Variants in EDIL3 observed in about 807,000 individuals in gnomAD.
The protein encoded by EDIL3 is EGF-like repeat and discoidin I-like domain-containing protein 3.
A neutral mutation model predicts 67.4 loss-of-function variants in EDIL3; 37 were observed. That is an observed-to-expected ratio of 0.55 (90% confidence interval 0.42 to 0.72). The LOEUF (loss-of-function observed/expected upper bound fraction) is 0.72, where lower values mean the gene tolerates loss of function less well. Among genes scored for constraint, EDIL3 ranks in the 30% least tolerant of loss-of-function variants. The pLI, the probability that EDIL3 is intolerant of heterozygous loss-of-function variation, is 0.00. For missense variants in EDIL3, 527 were observed against 586.3 expected (o/e 0.90, Z 1.04); for synonymous variants, 195 against 196.3 (o/e 0.99, Z 0.05).
intron 1 of EDIL3, among the ~76,000 whole-genome samples, chr5:84,311,965 A>C (rs1044435593): frequency 6.6e-6 from 1 of 152,174 alleles, no homozygotes; most frequent in Non-Finnish European, 1.5e-5. Context: ...ACCTCTTTCT[A>C]CACAGACATG....
chr5:84,111,100 C>A (rs1456816930), intron 5 of EDIL3, among the ~76,000 whole-genome samples: 5 of 152,150 alleles, frequency 3.3e-5, no homozygotes, highest in Admixed American at 6.5e-5. Context: ...TCTCTTCACA[C>A]TCACTCCTGC....
intron 1 of EDIL3, among the ~76,000 whole-genome samples, chr5:84,316,517 C>T (rs1278304636): frequency 6.6e-6 from 1 of 152,104 alleles, no homozygotes; most frequent in Non-Finnish European, 1.5e-5. Context: ...CAAAGAAGGG[C>T]ATTACATAAT....
chr5:84,283,932 T>C (rs1745758682), intron 1 of EDIL3, among the ~76,000 whole-genome samples: 1 of 152,256 alleles, frequency 6.6e-6, no homozygotes, highest in South Asian at 2.1e-4. Flanking sequence ...CAGGACCAGG[T>C]AGAGGAGCCC....
chr5:84,347,434 A>G (rs115093147), intron 1 of EDIL3, among the ~76,000 whole-genome samples: 2,744 of 152,298 alleles, frequency 0.018, 79 homozygotes, highest in African/African-American at 0.063. Flanking sequence ...ATTTTATTAT[A>G]ATGCTTTGTG....
intron 1 of EDIL3, among the ~76,000 whole-genome samples, chr5:84,278,101 AAGTT>A (rs1561243275): frequency 6.6e-6 from 1 of 152,208 alleles, no homozygotes; most frequent in African/African-American, 2.4e-5. Flanking sequence ...TATAAATGGA[AAGTT>A]AGACGCAAAC....
At chr5:84,119,127 T>C (rs963259758) in intron 5 of EDIL3, among the ~76,000 whole-genome samples, 2 of 151,616 alleles carry the variant, frequency 1.3e-5, no homozygotes, top group African/African-American at 2.4e-5. Context: ...AAAGTCGTAG[T>C]TGGAGGAGAC....
Position 83,947,844 on chromosome 5 carries a change from C to G in EDIL3, c.1294-4276G>C, listed in dbSNP as rs192249696. On this transcript the variant is annotated intron_variant, in intron 10 of 10. Transcript: ENST00000296591. ...CATACTTAACAATAATTGACACAAA[C>G]CTCTCAAAAACTCAACTTCAGCGCT... 3.9e-4 allele frequency among the ~76,000 whole-genome samples: 60 copies of G among 151,944 alleles called. 1 individual carries two copies. Among genetic ancestry groups the G allele is most frequent in the Admixed American group, 7.2e-4 (11 of 15,224 alleles).
At chr5:84,247,775 T>C (rs1055784794) in intron 2 of EDIL3, among the ~76,000 whole-genome samples, 3 of 152,062 alleles carry the variant, frequency 2.0e-5, no homozygotes, top group Non-Finnish European at 2.9e-5. Flanking sequence ...TTACATGATA[T>C]GCTATACATA....
At chr5:84,090,990 G>A (rs560829906) in intron 6 of EDIL3, among the ~76,000 whole-genome samples, 37 of 151,796 alleles carry the variant, frequency 2.4e-4, no homozygotes, top group African/African-American at 8.7e-4. Context: ...AAAATTTTAT[G>A]GGATATAACA....
intron 1 of EDIL3, among the ~76,000 whole-genome samples, chr5:84,365,021 G>A (rs1175617585): frequency 1.3e-5 from 2 of 152,034 alleles, no homozygotes; most frequent in African/African-American, 4.8e-5. Context: ...GTTTTGAGGG[G>A]TTGTTGCTGT....
chr5:83,971,259 G>GA (rs953873111), intron 9 of EDIL3, among the ~76,000 whole-genome samples: 1 of 148,894 alleles, frequency 6.7e-6, no homozygotes, highest in Non-Finnish European at 1.5e-5. Context: ...ATGTCATAAA[G>GA]AAAAAAATAT....
At chr5:84,049,757 A>G (rs1746293257) in intron 9 of EDIL3, among the ~76,000 whole-genome samples, 1 of 152,188 alleles carries the variant, frequency 6.6e-6, no homozygotes, top group Non-Finnish European at 1.5e-5. Flanking sequence ...TTTACAAACC[A>G]TCATACACAG....
chr5:84,014,315 T>C (rs1745563517), intron 9 of EDIL3, among the ~76,000 whole-genome samples: 1 of 152,174 alleles, frequency 6.6e-6, no homozygotes, highest in African/African-American at 2.4e-5. Flanking sequence ...CATGGAAGTG[T>C]TGTATCAGTT....
At chr5:84,159,160 C>G (rs980832257) in intron 4 of EDIL3, among the ~76,000 whole-genome samples, 1 of 152,012 alleles carries the variant, frequency 6.6e-6, no homozygotes, top group Non-Finnish European at 1.5e-5. Flanking sequence ...AATACAAATT[C>G]ACGGGTGAAA....
chr5:84,162,994 C>T (rs1224329125), intron 4 of EDIL3, among the ~76,000 whole-genome samples: 1 of 152,084 alleles, frequency 6.6e-6, no homozygotes, highest in African/African-American at 2.4e-5. Context: ...TCAGTAATAA[C>T]ATACTTAATA....
intron 3 of EDIL3, among the ~76,000 whole-genome samples, chr5:84,206,223 T>C (rs1229355551): frequency 6.6e-6 from 1 of 152,194 alleles, no homozygotes; most frequent in Admixed American, 6.5e-5. Flanking sequence ...TTGAGTGGTT[T>C]TGAGTGAGTT....
chr5:84,288,173 T>G (rs1580056441), intron 1 of EDIL3, among the ~76,000 whole-genome samples: 1 of 152,134 alleles, frequency 6.6e-6, no homozygotes, highest in South Asian at 2.1e-4. Flanking sequence ...GCCAAAACCC[T>G]TAGAGGCATT....
At chr5:84,007,980 C>T (rs946343505) in intron 9 of EDIL3, among the ~76,000 whole-genome samples, 2 of 152,116 alleles carry the variant, frequency 1.3e-5, no homozygotes, top group Admixed American at 6.6e-5. Context: ...TTTGCATTAG[C>T]ATGGATAAAA....
At chr5:84,097,164 T>C (rs1009240695) in intron 6 of EDIL3, among the ~76,000 whole-genome samples, 18 of 152,144 alleles carry the variant, frequency 1.2e-4, no homozygotes, top group African/African-American at 4.1e-4. Context: ...GAAATAACTG[T>C]TTTTCCTCTC....
Sources: allele counts gnomAD v4.1 joint callset (sites outside exome capture counted in the v4.1 genomes callset), GRCh38; gene constraint gnomAD v4.1.1; transcripts MANE v1.5; gene names NCBI Gene and HGNC (gene_info 2026-07-23, HGNC 2026-07-21).